Variants in RNF112 observed in about 807,000 individuals in gnomAD.
RNF112 encodes the protein brain finger protein.
RNF112 carries 34 observed loss-of-function variants against 64.7 expected under a neutral mutation model. That is an observed-to-expected ratio of 0.53 (90% CI 0.40 to 0.70). The LOEUF (loss-of-function observed/expected upper bound fraction) is 0.70, where lower values mean the gene tolerates loss of function less well. RNF112 is among the 30% of genes least tolerant of loss of function. RNF112 has a pLI of 0.00. For synonymous variants in RNF112, 345 were observed against 344.5 expected, an observed-to-expected ratio of 1.00 and a Z score of -0.02; for missense variants, 734 against 850.0, an observed-to-expected ratio of 0.86 and a Z score of 1.70.
chr17:19,411,390 C>G lies in RNF112; in HGVS notation c.-19C>G, dbSNP rs1913648084. ...GCCTCCCCCTCTGCATCCGGACCCT[C>G]TCCCCATCCCAGCCTCCCATGCCAA... On this transcript the variant is annotated 5_prime_UTR_variant, in exon 1 of 14. Coordinates refer to ENST00000461366, the MANE Select transcript of RNF112 (RefSeq NM_007148.5). 2 of 1,609,536 alleles carry G rather than the reference C, an allele frequency of 1.2e-6. No homozygotes were observed. Among genetic ancestry groups the G allele is most frequent in the Non-Finnish European group, 1.7e-6 (2 of 1,179,122 alleles).
chr17:19,412,408 C>A lies in RNF112; in HGVS notation c.96-90C>A. ...GGTTGGCACAAAGGGACCTCCACTC[C>A]CAAGCCATCAGTCTTCCACCACAAC... On this transcript the variant is annotated intron_variant, in intron 2 of 13. Coordinates refer to ENST00000461366, the MANE Select transcript of RNF112 (RefSeq NM_007148.5). The surrounding 1 kb of genome is among the most constrained non-coding windows in gnomAD (Gnocchi z 5.1). The A allele has an allele frequency of 7.1e-7, 1 of 1,415,798 alleles. No individual in the cohort carries two copies. The allele number at this position is 1,415,798 out of a possible 1,614,324, so 87.7% of individuals were successfully genotyped here.
chr17:19,411,674 A>T lies in RNF112; in HGVS notation c.95+4A>T. On this transcript the variant is annotated splice_donor_region_variant and intron_variant, in intron 2 of 13. Transcript: ENST00000461366. ...TGGGAAACAGCGGCAACAGTTGGTA[A>T]GTAGCAGGGCCTTCCAGGCTGGGAT... 1 of 1,578,654 alleles carries T rather than the reference A, an allele frequency of 6.3e-7. No homozygotes were observed. The highest frequency in any genetic ancestry group is 8.6e-7 in the Non-Finnish European group (1 of 1,162,580).
At position 19,412,808 on chromosome 17, in the gene RNF112, C is replaced by G. The variant is rs760488545; in HGVS notation, c.381+25C>G. On this transcript the variant is annotated intron_variant, in intron 3 of 13. Transcript: ENST00000461366. The surrounding 1 kb of genome is among the most constrained non-coding windows in gnomAD (Gnocchi z 5.1). Reference sequence around the variant, plus strand: ...GGTCTGGGGACTGGGCCTAATCAGTCAGACCCAAGAGGAGGGGGTGGCTTT... The same window carrying G: ...GGTCTGGGGACTGGGCCTAATCAGTGAGACCCAAGAGGAGGGGGTGGCTTT... 1.9e-6 allele frequency: 3 copies of G among 1,600,576 alleles called. No homozygotes were observed. Among genetic ancestry groups the G allele is most frequent in the Admixed American group, 1.8e-5 (1 of 55,202 alleles).
rs968648687 is a variant in RNF112 at position 19,415,986 on chromosome 17, C to T, written c.1707C>T (p.Gly569=). 1.3e-6 allele frequency: 2 copies of T among 1,565,540 alleles called. No individual in the cohort carries two copies. Among genetic ancestry groups the T allele is most frequent in the Non-Finnish European group, 1.7e-6 (2 of 1,157,292 alleles). ...TGGCAGGGGGCGTGGTGGGTGCTGG[C>T]ATGGCAGCAGCTGCACTGGCTGCAG... ...MGLAGGVVGA[G]MAAAALAAEA... is the part of the protein sequence containing the mutation. Residue 569 remains glycine (G), a synonymous_variant, in exon 14 of 14, where the codon GGC becomes GGT. Transcript: ENST00000461366. The surrounding 1 kb of genome is among the most constrained non-coding windows in gnomAD (Gnocchi z 7.8).
chr17:19,413,384 C>T lies in RNF112; in HGVS notation c.693C>T (p.Pro231=). The T allele has an allele frequency of 6.2e-7, 1 of 1,612,670 alleles. No individual in the cohort carries two copies. Among genetic ancestry groups the T allele is most frequent in the South Asian group, 1.1e-5 (1 of 90,994 alleles). Residue 231 remains proline, a synonymous_variant, in exon 5 of 14, where the codon CCC becomes CCT. Coordinates refer to ENST00000461366, the MANE Select transcript of RNF112 (RefSeq NM_007148.5). This position sits in a 1 kb window ranked among gnomAD's most constrained non-coding sequence, Gnocchi z 5.9. ...LARGIWMWSH[P]FLLGKEGKKV... The stretch of plus-strand genomic sequence containing the variant: ...GGGGCATATGGATGTGGAGCCACCC[C>T]TTCTTGCTGGGGAAAGAAGGGAAGA...
chr17:19,411,922 G>A, intron 2 of RNF112: 1 of 593,528 alleles, frequency 1.7e-6, no homozygotes, highest in South Asian at 2.2e-5. Context: ...CTGCAGCACA[G>A]GCTGATGGCT....
chr17:19,414,348 T>A (rs1913786611), intron 7 of RNF112, 101 bp from the exon 8 acceptor site: 1 of 1,429,190 alleles, frequency 7.0e-7, no homozygotes, highest in East Asian at 2.3e-5. Context: ...AGGGGGAGCC[T>A]AGCTCCTACA....
chr17:19,412,928 C>A lies in RNF112; in HGVS notation c.382-10C>A, dbSNP rs373675259. 5.7e-6 allele frequency: 9 copies of A among 1,575,958 alleles called. No individual in the cohort carries two copies. ...GGATGCTCAGGGGCCCCTCTCTTCT[C>A]CTGGCCCAGGAGACGTGTCCTGTGA... On this transcript the variant is annotated splice_polypyrimidine_tract_variant and intron_variant, in intron 3 of 13. Transcript: ENST00000461366. The surrounding 1 kb of genome is among the most constrained non-coding windows in gnomAD (Gnocchi z 5.1).
In RNF112 at chr17:19,413,849, G is replaced by A. The variant is rs1386828294; in HGVS notation, c.825+168G>A. Among the ~76,000 whole-genome samples, 1 of 152,192 alleles carries A rather than the reference G, an allele frequency of 6.6e-6. No individual in the cohort carries two copies. Among genetic ancestry groups the A allele is most frequent in the Non-Finnish European group, 1.5e-5 (1 of 68,024 alleles). On this transcript the variant is annotated intron_variant, in intron 6 of 13. Transcript: ENST00000461366. This position sits in a 1 kb window ranked among gnomAD's most constrained non-coding sequence, Gnocchi z 5.9. ...CTAGTTGGTGAAGGTGGGAACGTGG[G>A]TTATTCCTAAAAGTGGGCTGATGGT...
Position 19,411,267 on chromosome 17 carries a change from C to T in RNF112, c.-142C>T. On this transcript the variant is annotated 5_prime_UTR_variant, in exon 1 of 14. Coordinates refer to ENST00000461366, the MANE Select transcript of RNF112 (RefSeq NM_007148.5). ...TCCAGCTCTGACCGGGAGTCAGCTC[C>T]TCGGGGATACCATCCCCCGACCTCA... 1 of 702,344 alleles carries T rather than the reference C, an allele frequency of 1.4e-6. No individual in the cohort carries two copies. The highest frequency in any genetic ancestry group is 2.4e-6 in the Non-Finnish European group (1 of 418,202). The allele number at this position is 702,344 out of a possible 1,614,324, so 43.5% of individuals were successfully genotyped here. A position where few individuals can be genotyped will look rare whatever the true frequency, so the allele number is the denominator to read the frequency against.
At position 19,411,689 on chromosome 17, in the gene RNF112, C is replaced by T; in HGVS notation, c.95+19C>T. The T allele has an allele frequency of 6.3e-7, 1 of 1,578,454 alleles. No homozygotes were observed. ...ACAGTTGGTAAGTAGCAGGGCCTTC[C>T]AGGCTGGGATGGGTGCAGTGAGGCC... On this transcript the variant is annotated intron_variant, in intron 2 of 13. Transcript: ENST00000461366.
In RNF112 at chr17:19,412,769, C is replaced by T. The variant is rs1913709092; in HGVS notation, c.367C>T (p.Pro123Ser). 6.2e-7 allele frequency: 1 copy of T among 1,611,772 alleles called. No individual in the cohort carries two copies. Among genetic ancestry groups the T allele is most frequent in the Non-Finnish European group, 8.5e-7 (1 of 1,179,486 alleles). The change falls in exon 3 of 14, where the codon CCC (proline) becomes TCC (serine). Residue 123 changes from proline (P) to serine (S), a missense_variant. Physicochemically the swap from Pro to Ser is moderately conservative, Grantham distance 74. Transcript: ENST00000461366. This position sits in a 1 kb window ranked among gnomAD's most constrained non-coding sequence, Gnocchi z 5.1. ...KMKLLPQRPLPPALQETCPVR... is the reference protein window; with the variant it reads ...KMKLLPQRPLSPALQETCPVR... ...GAAGCTCCTGCCGCAGCGGCCGCTG[C>T]CCCCTGCACTGCAGGTCTGGGGACT...
Position 19,412,450 on chromosome 17 carries a change from T to A in RNF112, c.96-48T>A, listed in dbSNP as rs770015342. On this transcript the variant is annotated intron_variant, in intron 2 of 13. Coordinates refer to ENST00000461366, the MANE Select transcript of RNF112 (RefSeq NM_007148.5). The surrounding 1 kb of genome is among the most constrained non-coding windows in gnomAD (Gnocchi z 5.1). Reference sequence around the variant, plus strand: ...CACCACAACCCTGGCCGGTACCCCCTGCCCCCAATAGACATCCTGCTTTTC... The same window carrying A: ...CACCACAACCCTGGCCGGTACCCCCAGCCCCCAATAGACATCCTGCTTTTC... The A allele has an allele frequency of 6.3e-7, 1 of 1,583,376 alleles. No homozygotes were observed. The highest frequency in any genetic ancestry group is 1.9e-5 in the Admixed American group (1 of 51,814).
intron 1 of RNF112, 36 bp from the exon 2 acceptor site, chr17:19,411,594 T>C: frequency 6.5e-7 from 1 of 1,540,154 alleles, no homozygotes; most frequent in South Asian, 1.2e-5. Context: ...GTCTGGATTA[T>C]GTTCTAAATC....
rs199860705 is a variant in RNF112, at chr17:19,411,684, C to T, written c.95+14C>T. 5.4e-4 allele frequency: 860 copies of T among 1,580,380 alleles called. No individual in the cohort carries two copies. Among genetic ancestry groups the T allele is most frequent in the Non-Finnish European group, 7.1e-4 (822 of 1,163,298 alleles). On this transcript the variant is annotated intron_variant, in intron 2 of 13. Coordinates refer to ENST00000461366, the MANE Select transcript of RNF112 (RefSeq NM_007148.5). ...CGGCAACAGTTGGTAAGTAGCAGGGCCTTCCAGGCTGGGATGGGTGCAGTG... is the reference window on the plus strand; with the variant it reads ...CGGCAACAGTTGGTAAGTAGCAGGGTCTTCCAGGCTGGGATGGGTGCAGTG...
intron 1 of RNF112, 48 bp downstream of exon 1, chr17:19,411,510 C>A (rs1226400277): frequency 6.3e-7 from 1 of 1,578,620 alleles, no homozygotes; most frequent in Non-Finnish European, 8.6e-7. Flanking sequence ...GTGGGAAGGG[C>A]CCTCCTTGGG....
chr17:19,415,399 G>A lies in RNF112; in HGVS notation c.1350+60G>A. On this transcript the variant is annotated intron_variant, in intron 12 of 13. Transcript: ENST00000461366. The surrounding 1 kb of genome is among the most constrained non-coding windows in gnomAD (Gnocchi z 7.8). ...GAGACAGGGGAGGCAGGGAGGTGGG[G>A]GCTGTGCCGAGGCCTCCGGGGTGGG... The A allele has an allele frequency of 6.4e-7, 1 of 1,552,268 alleles. No homozygotes were observed. Among genetic ancestry groups the A allele is most frequent in the Non-Finnish European group, 8.7e-7 (1 of 1,148,034 alleles).
chr17:19,413,474 G>A lies in RNF112; in HGVS notation c.720+63G>A. 1 of 1,578,412 alleles carries A rather than the reference G, an allele frequency of 6.3e-7. No individual in the cohort carries two copies. Among genetic ancestry groups the A allele is most frequent in the Non-Finnish European group, 8.7e-7 (1 of 1,152,732 alleles). On this transcript the variant is annotated intron_variant, in intron 5 of 13. Transcript: ENST00000461366. This position sits in a 1 kb window ranked among gnomAD's most constrained non-coding sequence, Gnocchi z 5.9. ...AAGGGGAATCAAGAAGGGCGTCTCT[G>A]GGGTGAGGATAGAAGATGGGGATGG...
In RNF112 at chr17:19,416,448, C is replaced by A; in HGVS notation, c.*273C>A. On this transcript the variant is annotated 3_prime_UTR_variant, in exon 14 of 14. Transcript: ENST00000461366. The stretch of plus-strand genomic sequence containing the variant: ...GCCCTTGTCACAGATAGGCTACATC[C>A]CAGGGTTTCTGGCTGCAAGTGAGAC... 5.1e-6 allele frequency: 2 copies of A among 393,690 alleles called. No homozygotes were observed. Among genetic ancestry groups the A allele is most frequent in the Non-Finnish European group, 9.1e-6 (2 of 218,994 alleles). The allele number at this position is 393,690 out of a possible 1,614,324, so 24.4% of individuals were successfully genotyped here. A position where few individuals can be genotyped will look rare whatever the true frequency, so the allele number is the denominator to read the frequency against.
Sources: gnomAD v4.1 joint callset for allele counts (sites outside exome capture counted in the v4.1 genomes callset) on GRCh38, gnomAD v4.1.1 for gene constraint, Gnocchi (gnomAD v3.1) non-coding constraint, MANE v1.5 for transcripts, NCBI Gene and HGNC (gene_info 2026-07-23, HGNC 2026-07-21) for gene names.